ASTN1: variants seen among roughly 807,000 people sequenced by gnomAD.
ASTN1 encodes the protein astrotactin 1, also known as astrotactin-1.
Under a neutral mutation model 140.7 loss-of-function variants are expected in ASTN1, and 41 were observed. That is an observed-to-expected ratio of 0.29 (90% CI 0.23 to 0.38). ASTN1 has a LOEUF of 0.38. Ranked by LOEUF, ASTN1 falls within the 10% of genes least tolerant of loss-of-function variation. The pLI is 1.00. For synonymous variants in ASTN1, 640 were observed against 652.2 expected (o/e 0.98, Z 0.29); for missense variants, 1,479 against 1,678.8 (o/e 0.88, Z 2.08).
intron 1 of ASTN1, among the ~76,000 whole-genome samples, chr1:177,068,730 AT>A (rs1678485122): frequency 6.6e-6 from 1 of 151,978 alleles, no homozygotes; most frequent in Non-Finnish European, 1.5e-5. Context: ...TTTTTTCTGT[AT>A]GGCACCTGGA....
chr1:177,136,679 C>T (rs955423381), intron 1 of ASTN1, among the ~76,000 whole-genome samples: 1 of 152,120 alleles, frequency 6.6e-6, no homozygotes, highest in Non-Finnish European at 1.5e-5. Flanking sequence ...CCTTTCTATC[C>T]ATCTTCCTGG....
chr1:176,996,769 G>A (rs1399174613), intron 8 of ASTN1, among the ~76,000 whole-genome samples: 2 of 152,158 alleles, frequency 1.3e-5, no homozygotes, highest in Non-Finnish European at 2.9e-5. Context: ...ACTTCAAAGA[G>A]GGCATCCTGC....
At chr1:176,897,367 G>T (rs1262965273) in intron 16 of ASTN1, among the ~76,000 whole-genome samples, 1 of 147,224 alleles carries the variant, frequency 6.8e-6, no homozygotes, top group Non-Finnish European at 1.5e-5. Flanking sequence ...TTTCAAAAAA[G>T]ATTATTGAAA....
In ASTN1 at chr1:177,030,970, G is replaced by T; in HGVS notation, c.866-18C>A. On this transcript the variant is annotated intron_variant, in intron 3 of 22. Transcript: ENST00000361833. ...GTCACTTCCTGTATAAGGAAAAGAC[G>T]AGGCAAAAACTTTAAGAGAAAAGAC... The T allele has an allele frequency of 6.2e-7, 1 of 1,600,944 alleles. No homozygotes were observed. Among genetic ancestry groups the T allele is most frequent in the South Asian group, 1.1e-5 (1 of 89,148 alleles).
rs77764817 is a variant in ASTN1 at position 176,933,309 on chromosome 1, C to G, written c.2671+843G>C. ...CAGAGGTCCCTTGTCTCAGAGGAGA[C>G]CTTCCTTGGTCATTAAGTCTTAAGA... On this transcript the variant is annotated intron_variant, in intron 16 of 22. Transcript: ENST00000361833. 9.8e-5 allele frequency among the ~76,000 whole-genome samples: 15 copies of G among 152,322 alleles called. No individual in the cohort carries two copies. The East Asian group carries it at 2.7e-3, about 27-fold the overall frequency.
chr1:177,085,091 CT>C (rs961489938), intron 1 of ASTN1, among the ~76,000 whole-genome samples: 1 of 152,176 alleles, frequency 6.6e-6, no homozygotes, highest in African/African-American at 2.4e-5. Context: ...AGAAATGAGA[CT>C]TACTAAATGG....
chr1:176,862,891 G>T lies in ASTN1; in HGVS notation c.*1393C>A, dbSNP rs1668012805. The stretch of plus-strand genomic sequence containing the variant: ...CTTATAGGTCTTGCATCTGTTTGCT[G>T]ACCTTTCTCATATGTTTCCAGATGA... On this transcript the variant is annotated 3_prime_UTR_variant, in exon 23 of 23. Transcript: ENST00000361833. 2 of 985,350 alleles carry T rather than the reference G, an allele frequency of 2.0e-6. No individual in the cohort carries two copies. The highest frequency in any genetic ancestry group is 1.1e-4 in the East Asian group (1 of 8,826). The allele number at this position is 985,350 out of a possible 1,614,324, so 61.0% of individuals were successfully genotyped here.
Position 176,861,294 on chromosome 1 carries a change from G to T in ASTN1, c.*2990C>A. On this transcript the variant is annotated 3_prime_UTR_variant, in exon 23 of 23. Coordinates refer to ENST00000361833, the MANE Select transcript of ASTN1 (RefSeq NM_004319.3). ...AAATAATGAACGGACCAAACTCCAT[G>T]GAAAACGATTGCACACTCAATTAAA... 8 of 985,686 alleles carry T rather than the reference G, an allele frequency of 8.1e-6. No homozygotes were observed. The highest frequency in any genetic ancestry group is 9.6e-6 in the Non-Finnish European group (8 of 829,840). The allele number at this position is 985,686 out of a possible 1,614,324, so 61.1% of individuals were successfully genotyped here.
chr1:177,010,701 C>T (rs1465107903), intron 8 of ASTN1, among the ~76,000 whole-genome samples: 1 of 152,178 alleles, frequency 6.6e-6, no homozygotes, highest in Non-Finnish European at 1.5e-5. Flanking sequence ...GCAATTGTGG[C>T]AGAACTGGAG....
At position 176,972,208 on chromosome 1, in the gene ASTN1, A is replaced by C. The variant is rs1420592277; in HGVS notation, c.1524-6971T>G. Among the ~76,000 whole-genome samples the C allele has an allele frequency of 2.0e-5, 3 of 152,228 alleles. No individual in the cohort carries two copies. The East Asian group carries it at 5.8e-4, about 29-fold the overall frequency. On this transcript the variant is annotated intron_variant, in intron 8 of 22. Coordinates refer to ENST00000361833, the MANE Select transcript of ASTN1 (RefSeq NM_004319.3). Reference sequence around the variant, plus strand: ...TACATGTGGTCCATTGTTGACTAAAATGTCATTATGTGGTACATGACTGTA... The same window carrying C: ...TACATGTGGTCCATTGTTGACTAAACTGTCATTATGTGGTACATGACTGTA...
chr1:177,016,649 A>C (rs1427106199), intron 7 of ASTN1, among the ~76,000 whole-genome samples: 2 of 152,156 alleles, frequency 1.3e-5, no homozygotes, highest in Non-Finnish European at 1.5e-5. Context: ...ATTCCAAAGA[A>C]AGCACGGATG....
chr1:177,028,048 T>C (rs1676216944), intron 5 of ASTN1, among the ~76,000 whole-genome samples: 1 of 152,106 alleles, frequency 6.6e-6, no homozygotes, highest in Non-Finnish European at 1.5e-5. Flanking sequence ...GAAAAATCCT[T>C]CACTAGGCAC....
intron 8 of ASTN1, among the ~76,000 whole-genome samples, chr1:176,973,559 T>C (rs1008934502): frequency 3.3e-5 from 5 of 152,198 alleles, no homozygotes; most frequent in East Asian, 1.9e-4. Flanking sequence ...TCTTGAATAC[T>C]GCCCAGTGAT....
At chr1:177,013,190 C>G (rs903298259) in intron 8 of ASTN1, among the ~76,000 whole-genome samples, 1 of 152,170 alleles carries the variant, frequency 6.6e-6, no homozygotes, top group Non-Finnish European at 1.5e-5. Context: ...TGTGGGCTCT[C>G]TCTGTGATAT....
chr1:177,107,039 T>G (rs1680578010), intron 1 of ASTN1, among the ~76,000 whole-genome samples: 1 of 151,914 alleles, frequency 6.6e-6, no homozygotes. Flanking sequence ...CCTAGCTAAT[T>G]TGGGGCAGCT....
chr1:176,995,347 G>T (rs370439241), intron 8 of ASTN1, among the ~76,000 whole-genome samples: 2 of 152,180 alleles, frequency 1.3e-5, no homozygotes, highest in East Asian at 3.9e-4. Flanking sequence ...GGATGTCACA[G>T]GATCACAGAA....
chr1:176,907,197 C>G (rs371085133), intron 16 of ASTN1, among the ~76,000 whole-genome samples: 3 of 152,192 alleles, frequency 2.0e-5, no homozygotes, highest in African/African-American at 7.2e-5. Flanking sequence ...ATCAGGCACT[C>G]CAAGTGATTC....
chr1:176,985,304 T>C (rs1425039250), intron 8 of ASTN1, among the ~76,000 whole-genome samples: 1 of 152,146 alleles, frequency 6.6e-6, no homozygotes, highest in East Asian at 1.9e-4. Flanking sequence ...CGCACCTCTG[T>C]GGTCTTTGAG....
chr1:176,900,452 T>TTC (rs142309530), intron 16 of ASTN1, among the ~76,000 whole-genome samples: 6 of 150,546 alleles, frequency 4.0e-5, no homozygotes, highest in South Asian at 4.2e-4. Context: ...GCTGGTGTGT[T>TTC]TCTCTCTCTC....
Sources: gnomAD v4.1 joint callset for allele counts (sites outside exome capture counted in the v4.1 genomes callset) on GRCh38, gnomAD v4.1.1 for gene constraint, MANE v1.5 for transcripts, NCBI Gene and HGNC (gene_info 2026-07-23, HGNC 2026-07-21) for gene names.